The following PDE3B variants were observed in gnomAD, a reference collection of about 807,000 sequenced individuals.
PDE3B encodes the protein phosphodiesterase 3B, also known as cGMP-inhibited 3',5'-cyclic phosphodiesterase 3B.
Under a neutral mutation model 116.8 loss-of-function variants are expected in PDE3B, and 66 were observed. The observed-to-expected ratio is 0.56, with a 90% CI of 0.46 to 0.69. The LOEUF (loss-of-function observed/expected upper bound fraction) is 0.69. Among genes scored for constraint, PDE3B ranks in the 30% least tolerant of loss-of-function variants. PDE3B has a pLI of 0.00. For synonymous variants in PDE3B, 595 were observed against 533.6 expected, an observed-to-expected ratio of 1.12 and a Z score of -1.59; for missense variants, 1,384 against 1,368.1, an observed-to-expected ratio of 1.01 and a Z score of -0.18.
intron 1 of PDE3B, among the ~76,000 whole-genome samples, chr11:14,714,551 A>G (rs1262251485): frequency 6.6e-6 from 1 of 151,806 alleles, no homozygotes; most frequent in African/African-American, 2.4e-5. Context: ...AAAAAAAAAA[A>G]AAAAAAAAGA....
At chr11:14,735,128 T>A (rs1856562752) in intron 1 of PDE3B, among the ~76,000 whole-genome samples, 1 of 152,180 alleles carries the variant, frequency 6.6e-6, no homozygotes, top group Non-Finnish European at 1.5e-5. Flanking sequence ...TAAATATGTA[T>A]AAATGTATAT....
intron 12 of PDE3B, among the ~76,000 whole-genome samples, chr11:14,849,723 A>T (rs1847700452): frequency 6.6e-6 from 1 of 152,216 alleles, no homozygotes; most frequent in Admixed American, 6.5e-5. Flanking sequence ...TGCAGCCAAA[A>T]AACACGTGAA....
intron 11 of PDE3B, among the ~76,000 whole-genome samples, chr11:14,840,960 A>G (rs1023298851): frequency 2.0e-5 from 3 of 152,294 alleles, no homozygotes; most frequent in South Asian, 2.1e-4. Flanking sequence ...AATGCTTACT[A>G]TGATGCTTAA....
chr11:14,721,318 T>G (rs1337925935), intron 1 of PDE3B, among the ~76,000 whole-genome samples: 2 of 152,038 alleles, frequency 1.3e-5, no homozygotes, highest in Non-Finnish European at 2.9e-5. Context: ...ACTTTTACAC[T>G]GTTGGTGGGA....
chr11:14,677,557 A>G (rs1024343862), intron 1 of PDE3B, among the ~76,000 whole-genome samples: 1 of 152,188 alleles, frequency 6.6e-6, no homozygotes, highest in Admixed American at 6.5e-5. Context: ...TTAACAGAGT[A>G]AAATAGATGT....
At chr11:14,733,718 A>G (rs1208133533) in intron 1 of PDE3B, among the ~76,000 whole-genome samples, 1 of 152,186 alleles carries the variant, frequency 6.6e-6, no homozygotes, top group Non-Finnish European at 1.5e-5. Context: ...GTATTGATAA[A>G]AGCAGAGAGA....
intron 1 of PDE3B, among the ~76,000 whole-genome samples, chr11:14,666,051 A>C (rs1198043290): frequency 6.6e-6 from 1 of 152,078 alleles, no homozygotes; most frequent in African/African-American, 2.4e-5. Context: ...GGCTACACTA[A>C]CCAAAACAGC....
At chr11:14,690,106 T>A (rs1272806037) in intron 1 of PDE3B, among the ~76,000 whole-genome samples, 2 of 152,160 alleles carry the variant, frequency 1.3e-5, no homozygotes, top group Admixed American at 6.6e-5. Context: ...GACACAAAGA[T>A]GGAAGGCTAG....
chr11:14,812,709 G>T (rs1244343023), intron 5 of PDE3B, among the ~76,000 whole-genome samples: 1 of 152,134 alleles, frequency 6.6e-6, no homozygotes, highest in Non-Finnish European at 1.5e-5. Flanking sequence ...AAAATTGTAG[G>T]TCCAGATGAC....
intron 1 of PDE3B, among the ~76,000 whole-genome samples, chr11:14,750,812 TA>T (rs1353793988): frequency 6.6e-6 from 1 of 152,222 alleles, no homozygotes; most frequent in African/African-American, 2.4e-5. Flanking sequence ...TGTGGCCCAT[TA>T]ACACTGACAT....
At chr11:14,673,597 G>T in intron 1 of PDE3B, 1 of 608,674 alleles carries the variant, frequency 1.6e-6, no homozygotes, top group South Asian at 1.5e-5. Flanking sequence ...TGGCTCTCAG[G>T]ACGGTTCTCA....
the PDE3B span, chr11:14,880,713 T>C: frequency 6.2e-6 from 10 of 1,600,214 alleles, no homozygotes; most frequent in East Asian, 2.0e-4. Flanking sequence ...GAAAACTGTT[T>C]ACAGCTAATC....
chr11:14,735,739 A>T (rs555117787), intron 1 of PDE3B, among the ~76,000 whole-genome samples: 1 of 152,174 alleles, frequency 6.6e-6, no homozygotes, highest in Non-Finnish European at 1.5e-5. Context: ...CATCGAAAAA[A>T]GTTTAACTGG....
At chr11:14,775,671 G>A (rs1000930867) in intron 2 of PDE3B, 5 of 152,292 alleles carry the variant, frequency 3.3e-5, no homozygotes, top group African/African-American at 1.2e-4. Flanking sequence ...CGGAGTAGCT[G>A]GGATTACAGG....
chr11:14,859,242 C>G lies in PDE3B; in HGVS notation c.2720C>G (p.Ala907Gly). 6.2e-7 allele frequency: 1 copy of G among 1,604,144 alleles called. No homozygotes were observed. Among genetic ancestry groups the G allele is most frequent in the African/African-American group, 1.3e-5 (1 of 74,582 alleles). Reference sequence around the variant, plus strand: ...TTTGATTTTCTCGCAGAATTCAATGCCAAGGTTTGTTATGAAAATTAGTGC... The same window carrying G: ...TTTGATTTTCTCGCAGAATTCAATGGCAAGGTTTGTTATGAAAATTAGTGC... ...KHFDFLAEFN[A>G]KANDVNSNGI... Residue 907 changes from alanine to glycine, a missense_variant, in exon 13 of 16, where the codon GCC (alanine) becomes GGC (glycine). Physicochemically the swap from Ala to Gly is moderately conservative, Grantham distance 60 (BLOSUM62 0). Coordinates refer to ENST00000282096, the MANE Select transcript of PDE3B (RefSeq NM_000922.4).
intron 1 of PDE3B, among the ~76,000 whole-genome samples, chr11:14,662,902 G>T (rs985742575): frequency 2.9e-4 from 44 of 152,264 alleles, no homozygotes; most frequent in Admixed American, 5.9e-4. Context: ...TTATCTAGGA[G>T]AACTTCCCCA....
At chr11:14,885,477 G>C in the PDE3B span, among the ~76,000 whole-genome samples, 23 of 152,244 alleles carry the variant, frequency 1.5e-4, no homozygotes, top group African/African-American at 5.5e-4. Flanking sequence ...GGATTCAAGT[G>C]GAAGTATGTG....
intron 1 of PDE3B, among the ~76,000 whole-genome samples, chr11:14,647,982 G>A (rs1853460776): frequency 6.8e-6 from 1 of 147,928 alleles, no homozygotes; most frequent in South Asian, 2.1e-4. Flanking sequence ...TCTAGGTGCT[G>A]TTAATGGTGT....
chr11:14,885,220 TTGC>T, the PDE3B span, among the ~76,000 whole-genome samples: 6 of 152,186 alleles, frequency 3.9e-5, no homozygotes, highest in Non-Finnish European at 7.4e-5. Context: ...AGGCTGTCTG[TTGC>T]TGCTTTCTTC....
Sources: gnomAD v4.1 joint callset for allele counts (sites outside exome capture counted in the v4.1 genomes callset) on GRCh38, gnomAD v4.1.1 for gene constraint, MANE v1.5 for transcripts, NCBI Gene and HGNC (gene_info 2026-07-23, HGNC 2026-07-21) for gene names.